Variants in ADAM28 observed in about 807,000 individuals in gnomAD.
The protein encoded by ADAM28 is disintegrin and metalloproteinase domain-containing protein 28.
ADAM28 carries 105 observed loss-of-function variants against 101.2 expected under a neutral mutation model. That is an observed-to-expected ratio of 1.04 (90% CI 0.89 to 1.22). ADAM28 has a LOEUF of 1.22. Among genes scored for constraint, ADAM28 ranks in the 50% most tolerant of loss-of-function variants. The pLI is 0.00. For missense variants in ADAM28, 1,028 were observed against 945.4 expected, an observed-to-expected ratio of 1.09 and a Z score of -1.15; for synonymous variants, 322 against 310.6, an observed-to-expected ratio of 1.04 and a Z score of -0.39.
chr8:24,333,442 G>A (rs1305320011), intron 13 of ADAM28, among the ~76,000 whole-genome samples: 2 of 152,126 alleles, frequency 1.3e-5, no homozygotes, highest in Non-Finnish European at 1.5e-5. Context: ...GGGCACATAG[G>A]TGTACATATG....
intron 2 of ADAM28, among the ~76,000 whole-genome samples, chr8:24,306,119 C>T (rs759911390): frequency 1.3e-5 from 2 of 151,538 alleles, no homozygotes; most frequent in Non-Finnish European, 2.9e-5. Context: ...GGGTGGATGA[C>T]GAGGTCAGGA....
At chr8:24,297,983 C>T (rs756792329) in intron 1 of ADAM28, among the ~76,000 whole-genome samples, 2 of 152,088 alleles carry the variant, frequency 1.3e-5, no homozygotes, top group Admixed American at 6.5e-5. Flanking sequence ...TGAAGAACCC[C>T]GTGATGTTGT....
intron 7 of ADAM28, 147 bp downstream of exon 7, chr8:24,320,454 G>C (rs1811722236): frequency 1.6e-6 from 1 of 608,918 alleles, no homozygotes; most frequent in Non-Finnish European, 2.8e-6. Flanking sequence ...TATGAAATTT[G>C]ACATTTATAA....
intron 5 of ADAM28, among the ~76,000 whole-genome samples, chr8:24,312,183 A>G (rs1810554225): frequency 6.6e-6 from 1 of 152,174 alleles, no homozygotes; most frequent in Non-Finnish European, 1.5e-5. Flanking sequence ...TGATGTCCAG[A>G]CTTGATTATC....
chr8:24,340,324 A>C (rs1031958236), intron 15 of ADAM28, among the ~76,000 whole-genome samples: 5 of 152,206 alleles, frequency 3.3e-5, no homozygotes, highest in African/African-American at 1.2e-4. Context: ...TTACCAAACT[A>C]TACTTTGGAT....
intron 5 of ADAM28, among the ~76,000 whole-genome samples, chr8:24,312,144 T>TGC (rs1810546665): frequency 6.6e-6 from 1 of 152,178 alleles, no homozygotes; most frequent in Non-Finnish European, 1.5e-5. Flanking sequence ...TCTGTCTATA[T>TGC]ATAGTAATCT....
intron 17 of ADAM28, 107 bp downstream of exon 17, chr8:24,343,288 C>T (rs767133256): frequency 1.5e-6 from 2 of 1,368,456 alleles, no homozygotes; most frequent in Non-Finnish European, 2.0e-6. Flanking sequence ...ATGATAATTA[C>T]TAAGTTTATC....
chr8:24,341,437 T>C (rs1167107054), intron 15 of ADAM28, 161 bp from the exon 16 acceptor site: 2 of 701,832 alleles, frequency 2.8e-6, no homozygotes, highest in Non-Finnish European at 4.8e-6. Context: ...GTGCTAACGT[T>C]CAGGCATCCT....
intron 5 of ADAM28, among the ~76,000 whole-genome samples, chr8:24,311,738 C>A (rs1286947322): frequency 6.6e-6 from 1 of 152,020 alleles, no homozygotes; most frequent in Non-Finnish European, 1.5e-5. Flanking sequence ...TCGCTCTTCA[C>A]TTTATTTTAC....
At chr8:24,299,678 C>G (rs1011394883) in intron 1 of ADAM28, among the ~76,000 whole-genome samples, 2 of 152,160 alleles carry the variant, frequency 1.3e-5, no homozygotes, top group African/African-American at 2.4e-5. Context: ...ACTGCAGGAT[C>G]AAAGATAAGA....
chr8:24,308,132 G>A (rs1035069314), intron 2 of ADAM28, among the ~76,000 whole-genome samples: 2 of 152,126 alleles, frequency 1.3e-5, no homozygotes, highest in Admixed American at 6.6e-5. Context: ...TGGTCAGCTA[G>A]TCTTACTCAG....
At chr8:24,307,577 TTAAA>T (rs1433427334) in intron 2 of ADAM28, among the ~76,000 whole-genome samples, 1 of 152,220 alleles carries the variant, frequency 6.6e-6, no homozygotes, top group African/African-American at 2.4e-5. Context: ...TAAGTATGTG[TTAAA>T]TAAATGACCA....
intron 5 of ADAM28, among the ~76,000 whole-genome samples, chr8:24,312,130 TGC>T (rs1810542349): frequency 6.6e-6 from 1 of 152,206 alleles, no homozygotes; most frequent in Non-Finnish European, 1.5e-5. Flanking sequence ...TGATATACTA[TGC>T]ATCTGTCTAT....
intron 13 of ADAM28, among the ~76,000 whole-genome samples, chr8:24,334,281 A>G (rs1039103105): frequency 2.0e-5 from 3 of 152,154 alleles, no homozygotes; most frequent in Non-Finnish European, 4.4e-5. Context: ...ATGGCCTTGT[A>G]AAGTAGATGT....
intron 16 of ADAM28, 116 bp downstream of exon 16, chr8:24,341,873 T>C: frequency 7.9e-7 from 1 of 1,264,588 alleles, no homozygotes; most frequent in Non-Finnish European, 1.1e-6. Flanking sequence ...GGGTTCGCCA[T>C]GCCTTAATAG....
At chr8:24,310,083 G>T (rs1340925362) in intron 3 of ADAM28, 80 bp from the exon 4 acceptor site, 6 of 1,531,304 alleles carry the variant, frequency 3.9e-6, no homozygotes, top group Non-Finnish European at 5.4e-6. Context: ...ATCAGCGTTT[G>T]CTCTCAAATG....
chr8:24,341,428 T>C, intron 15 of ADAM28, 170 bp from the exon 16 acceptor site: 1 of 658,878 alleles, frequency 1.5e-6, no homozygotes, highest in South Asian at 2.1e-5. Flanking sequence ...TAATATATTG[T>C]GCTAACGTTC....
In ADAM28 at chr8:24,341,698, G is replaced by C; in HGVS notation, c.1771G>C (p.Glu591Gln). 6.2e-7 allele frequency: 1 copy of C among 1,613,886 alleles called. No individual in the cohort carries two copies. Among genetic ancestry groups the C allele is most frequent in the South Asian group, 1.1e-5 (1 of 91,056 alleles). Residue 591 changes from glutamate (E) to glutamine (Q), a missense_variant, in exon 16 of 23, where the codon GAA becomes CAA. By Grantham distance (29) the Glu-to-Gln change is conservative. Transcript: ENST00000265769. ...CCTGACATGTAAAACATTTGATCCT[G>C]AAGACACAAGTCAAGAAATAGGCAT... The part of the protein sequence containing the change: ...TFLTCKTFDP[E>Q]DTSQEIGMVA...
In ADAM28 at chr8:24,343,094, C is replaced by T; in HGVS notation, c.1831-7C>T. The T allele has an allele frequency of 6.2e-7, 1 of 1,613,652 alleles. No homozygotes were observed. Among genetic ancestry groups the T allele is most frequent in the Admixed American group, 1.7e-5 (1 of 59,976 alleles). On this transcript the variant is annotated splice_polypyrimidine_tract_variant and splice_region_variant and intron_variant, in intron 16 of 22. Coordinates refer to ENST00000265769, the MANE Select transcript of ADAM28 (RefSeq NM_014265.6). ...ATGAAGCTTCATGTTTTCTACATCA[C>T]TTTCAGGTTTGCATTAATGCAGAAT...
Sources: gnomAD v4.1 joint callset for allele counts (sites outside exome capture counted in the v4.1 genomes callset) on GRCh38, gnomAD v4.1.1 for gene constraint, MANE v1.5 for transcripts, NCBI Gene and HGNC (gene_info 2026-07-23, HGNC 2026-07-21) for gene names.